Variants in NARS2 observed in about 807,000 individuals in gnomAD.
The protein encoded by NARS2 is asparaginyl-tRNA synthetase 2, mitochondrial.
A neutral mutation model predicts 62.9 loss-of-function variants in NARS2; 60 were observed. The ratio of observed to expected loss-of-function variants is 0.95; its 90% CI spans 0.77 to 1.18. The LOEUF is 1.18. Among genes scored for constraint, NARS2 ranks in the 50% most tolerant of loss-of-function variants. NARS2 has a pLI of 0.00. For missense variants in NARS2, 619 were observed against 576.4 expected (o/e 1.07, Z -0.76); for synonymous variants, 196 against 200.0 (o/e 0.98, Z 0.17).
At chr11:78,546,564 G>A (rs1361081124) in intron 5 of NARS2, 1 of 152,116 alleles carries the variant, frequency 6.6e-6, no homozygotes, top group African/African-American at 2.4e-5. Flanking sequence ...GAGATTCTTT[G>A]TTCACCACTT....
intron 4 of NARS2, among the ~76,000 whole-genome samples, chr11:78,562,946 C>G (rs911655319): frequency 1.3e-5 from 2 of 151,942 alleles, no homozygotes; most frequent in African/African-American, 4.8e-5. Context: ...CCCAAAGTAA[C>G]AGATCAAAGA....
chr11:78,568,327 T>G (rs966497082), intron 3 of NARS2, among the ~76,000 whole-genome samples: 2 of 152,194 alleles, frequency 1.3e-5, no homozygotes, highest in Non-Finnish European at 2.9e-5. Context: ...CAAAAGTCAT[T>G]CTTGGCTTTC....
intron 5 of NARS2, among the ~76,000 whole-genome samples, chr11:78,531,692 C>T (rs1175992844): frequency 6.6e-6 from 1 of 151,822 alleles, no homozygotes; most frequent in Non-Finnish European, 1.5e-5. Flanking sequence ...ATGTATATAC[C>T]TATATATTAA....
intron 5 of NARS2, among the ~76,000 whole-genome samples, chr11:78,533,470 A>C (rs1472782813): frequency 6.6e-6 from 1 of 152,212 alleles, no homozygotes; most frequent in African/African-American, 2.4e-5. Flanking sequence ...CTTTGAAAAG[A>C]GGAAGTGAAT....
At position 78,489,054 on chromosome 11, in the gene NARS2, C is replaced by G. The variant is rs1276758582; in HGVS notation, c.822+4009G>C. 2.6e-5 allele frequency among the ~76,000 whole-genome samples: 4 copies of G among 152,054 alleles called. No homozygotes were observed. In the South Asian group the frequency reaches 6.2e-4, roughly 24 times the overall value. ...TAAAACATCATAAAATCCTTGAGAT[C>G]TAGGGCAAGGTAAAGAGTTCTTAGA... On this transcript the variant is annotated intron_variant, in intron 7 of 13. Transcript: ENST00000281038.
At chr11:78,494,647 C>G (rs115869525) in intron 6 of NARS2, among the ~76,000 whole-genome samples, 2,456 of 151,994 alleles carry the variant, frequency 0.016, 56 homozygotes, top group African/African-American at 0.056. Context: ...ATCTGCTAAC[C>G]TGAGAACCTT....
At chr11:78,505,478 C>T (rs115557344) in intron 6 of NARS2, among the ~76,000 whole-genome samples, 1 of 149,834 alleles carries the variant, frequency 6.7e-6, no homozygotes. Flanking sequence ...ACTGATTTTT[C>T]CCCCCAACTA....
At chr11:78,562,011 G>A (rs890395951) in intron 4 of NARS2, among the ~76,000 whole-genome samples, 1 of 151,932 alleles carries the variant, frequency 6.6e-6, no homozygotes, top group African/African-American at 2.4e-5. Context: ...CTCTAGCCTG[G>A]GTGACACGGC....
chr11:78,491,440 T>C (rs1212532971), intron 7 of NARS2, among the ~76,000 whole-genome samples: 1 of 152,276 alleles, frequency 6.6e-6, no homozygotes, highest in Non-Finnish European at 1.5e-5. Context: ...GGAATATTAC[T>C]AACTGCTGAT....
At chr11:78,571,618 G>A in intron 1 of NARS2, 174 bp from the exon 2 acceptor site, 1 of 520,934 alleles carries the variant, frequency 1.9e-6, no homozygotes, top group Non-Finnish European at 3.5e-6. Context: ...ATCACAATAG[G>A]ATACACACTT....
At chr11:78,480,345 C>G (rs1859294658) in intron 7 of NARS2, among the ~76,000 whole-genome samples, 1 of 152,084 alleles carries the variant, frequency 6.6e-6, no homozygotes, top group Non-Finnish European at 1.5e-5. Flanking sequence ...GCCTCTGCCT[C>G]CTGGGTTCAA....
chr11:78,444,926 A>G (rs943496482), intron 11 of NARS2, among the ~76,000 whole-genome samples: 4 of 152,352 alleles, frequency 2.6e-5, no homozygotes, highest in South Asian at 2.1e-4. Flanking sequence ...GTTTTGACTC[A>G]GCAAGCAGTT....
At chr11:78,466,071 A>G in intron 10 of NARS2, 58 bp from the exon 11 acceptor site, 1 of 1,512,474 alleles carries the variant, frequency 6.6e-7, no homozygotes, top group Non-Finnish European at 8.9e-7. Context: ...TATACAATTA[A>G]GCAGCTGAAA....
At chr11:78,467,264 T>C (rs1245635058) in intron 10 of NARS2, among the ~76,000 whole-genome samples, 1 of 152,130 alleles carries the variant, frequency 6.6e-6, no homozygotes, top group Non-Finnish European at 1.5e-5. Flanking sequence ...ATAAAAAAGC[T>C]CTGGCCAGGC....
intron 5 of NARS2, among the ~76,000 whole-genome samples, chr11:78,548,980 A>AC (rs1357507341): frequency 6.6e-6 from 1 of 151,950 alleles, no homozygotes; most frequent in African/African-American, 2.4e-5. Context: ...CAGAAACTCT[A>AC]CCCCCCAATT....
In NARS2 at chr11:78,446,391, T is replaced by C. The variant is rs560558967; in HGVS notation, c.1165-2633A>G. ...CACAATTAATATGGCTGGGCTCTAA[T>C]CAGGACCCTGCAGTTATCCCTTCTG... On this transcript the variant is annotated intron_variant, in intron 11 of 13. Coordinates refer to ENST00000281038, the MANE Select transcript of NARS2 (RefSeq NM_024678.6). Among the ~76,000 whole-genome samples, 37 of 152,344 alleles carry C rather than the reference T, an allele frequency of 2.4e-4. No individual in the cohort carries two copies. In the South Asian group the frequency reaches 7.7e-3, roughly 32 times the overall value.
At chr11:78,538,390 A>G (rs1313546220) in intron 5 of NARS2, among the ~76,000 whole-genome samples, 1 of 152,226 alleles carries the variant, frequency 6.6e-6, no homozygotes, top group Non-Finnish European at 1.5e-5. Context: ...ATAAGAGAAC[A>G]TAAGCTCTCA....
At position 78,574,463 on chromosome 11, in the gene NARS2, C is replaced by G. The variant is rs114743209; in HGVS notation, c.26G>C (p.Arg9Pro). Reference protein sequence around the residue: MLGVRCLLRSVRFCSSAPF... With the variant: MLGVRCLLPSVRFCSSAPF... ...GGCGGAGGAACAGAAGCGCACGGAC[C>G]GCAGCAGGCAGCGGACCCCCAGCAT... The change falls in exon 1 of 14, where the codon CGG becomes CCG. Residue 9 changes from arginine to proline, a missense_variant. By Grantham distance (103) the Arg-to-Pro change is moderately radical. Coordinates refer to ENST00000281038, the MANE Select transcript of NARS2 (RefSeq NM_024678.6). 2.0e-3 allele frequency: 3,159 copies of G among 1,613,524 alleles called. 62 individuals are homozygous for G. The African/African-American group carries it at 0.039, about 20-fold the overall frequency.
chr11:78,498,671 C>CTT (rs56691152), intron 6 of NARS2, among the ~76,000 whole-genome samples: 1 of 141,536 alleles, frequency 7.1e-6, no homozygotes, highest in Admixed American at 7.0e-5. Context: ...CCAATACGCT[C>CTT]TTTTTTTTTT....
Sources: allele counts gnomAD v4.1 joint callset (sites outside exome capture counted in the v4.1 genomes callset), GRCh38; gene constraint gnomAD v4.1.1; transcripts MANE v1.5; gene names NCBI Gene and HGNC (gene_info 2026-07-23, HGNC 2026-07-21).